The following ZNF83 variants were observed in gnomAD, a reference collection of about 807,000 sequenced individuals.
The protein encoded by ZNF83 is zinc finger protein 816B.
For synonymous variants in ZNF83, 209 were observed against 213.0 expected (o/e 0.98, Z 0.17); for missense variants, 552 against 629.9 (o/e 0.88, Z 1.32).
At chr19:52,668,118 C>T (rs8107738) in intron 1 of ZNF83, among the ~76,000 whole-genome samples, 122,417 of 152,172 alleles carry the variant, frequency 0.8, 49,968 homozygotes, top group African/African-American at 0.95. Flanking sequence ...ACAAGAGTCT[C>T]TCAGCACAGG....
chr19:52,661,109 C>A (rs891810294), intron 1 of ZNF83, among the ~76,000 whole-genome samples: 6 of 152,020 alleles, frequency 3.9e-5, no homozygotes, highest in Non-Finnish European at 5.9e-5. Flanking sequence ...GAGATCTGCC[C>A]ACCTCAGCCT....
intron 1 of ZNF83, among the ~76,000 whole-genome samples, chr19:52,683,589 G>T (rs113886131): frequency 0.013 from 1,933 of 151,366 alleles, 35 homozygotes; most frequent in African/African-American, 0.04. Context: ...GAGCATGGAA[G>T]ACCTGGGAGC....
At position 52,615,406 on chromosome 19, in the gene ZNF83, C is replaced by G. The variant is rs959653054; in HGVS notation, c.-233-609G>C. Among the ~76,000 whole-genome samples the G allele has an allele frequency of 2.0e-5, 3 of 152,248 alleles. No individual in the cohort carries two copies. The South Asian group carries it at 6.2e-4, about 32-fold the overall frequency. ...CTGTATAAGAAAAACCACTAGAGTA[C>G]TTGCTTCCTCTCACTCTGACATATG... is the stretch of plus-strand genomic sequence containing the variant. On this transcript the variant is annotated intron_variant, in intron 2 of 2. Transcript: ENST00000301096.
intron 3 of ZNF83, among the ~76,000 whole-genome samples, chr19:52,650,141 C>T (rs2061424053): frequency 6.6e-6 from 1 of 152,084 alleles, no homozygotes; most frequent in Non-Finnish European, 1.5e-5. Context: ...AAAAAAATCC[C>T]ACTTAAGGAA....
chr19:52,653,229 G>C (rs537101829), intron 3 of ZNF83: 3 of 1,534,502 alleles, frequency 2.0e-6, no homozygotes, highest in South Asian at 2.2e-5. Flanking sequence ...CATTACACTT[G>C]TAAGGTTTCT....
At chr19:52,640,169 A>G (rs1022485248), upstream of ZNF83, among the ~76,000 whole-genome samples, 10 of 152,208 alleles carry the variant, frequency 6.6e-5, no homozygotes, top group Non-Finnish European at 1.3e-4. Context: ...TCAGGCGCCT[A>G]CAATCCGACA....
intron 1 of ZNF83, among the ~76,000 whole-genome samples, chr19:52,673,629 C>A (rs908925528): frequency 6.6e-6 from 1 of 152,106 alleles, no homozygotes; most frequent in Non-Finnish European, 1.5e-5. Context: ...GAGCCAATAA[C>A]GATGCAAATA....
chr19:52,656,642 T>C (rs2061508850), intron 2 of ZNF83, among the ~76,000 whole-genome samples: 1 of 152,036 alleles, frequency 6.6e-6, no homozygotes. Flanking sequence ...CTGAGGCATG[T>C]GGATCACAAA....
At chr19:52,619,837 A>G (rs2060467907) in intron 2 of ZNF83, among the ~76,000 whole-genome samples, 2 of 152,130 alleles carry the variant, frequency 1.3e-5, no homozygotes. Context: ...CAGTAATCCA[A>G]GATCACACCA....
intron 1 of ZNF83, among the ~76,000 whole-genome samples, chr19:52,672,028 G>A (rs2061733517): frequency 6.6e-6 from 1 of 152,118 alleles, no homozygotes; most frequent in African/African-American, 2.4e-5. Context: ...GAGGTCAGGA[G>A]ATTGAGACTA....
At chr19:52,665,047 G>A (rs527526464) in intron 1 of ZNF83, among the ~76,000 whole-genome samples, 76 of 152,236 alleles carry the variant, frequency 5.0e-4, no homozygotes, top group Non-Finnish European at 9.0e-4. Context: ...ACTAGAATGC[G>A]AAATGCAAAG....
exon 3 of ZNF83, chr19:52,613,098 T>C (rs1417179421): frequency 2.5e-6 from 4 of 1,613,850 alleles, no homozygotes; most frequent in Middle Eastern, 1.6e-4. Context: ...GTTTGCCACA[T>C]TCATTACATT....
At chr19:52,653,663 C>T (rs2061471705) in intron 3 of ZNF83, among the ~76,000 whole-genome samples, 1 of 152,150 alleles carries the variant, frequency 6.6e-6, no homozygotes, top group African/African-American at 2.4e-5. Flanking sequence ...GGTTTTTCTC[C>T]AGTATGAAGT....
At chr19:52,631,918 C>T (rs1431215133) in intron 2 of ZNF83, among the ~76,000 whole-genome samples, 2 of 137,066 alleles carry the variant, frequency 1.5e-5, no homozygotes, top group Non-Finnish European at 3.1e-5. Context: ...TTCTACTACT[C>T]CTCAGGGATT....
At position 52,630,355 on chromosome 19, in the gene ZNF83, A is replaced by C. The variant is rs187584514; in HGVS notation, c.-234+4711T>G. Among the ~76,000 whole-genome samples the C allele has an allele frequency of 3.3e-5, 5 of 152,180 alleles. No individual in the cohort carries two copies. In the South Asian group the frequency reaches 6.2e-4, roughly 19 times the overall value. ...CCCCTTCTTAATCAATACGGAGGCT[A>C]CCCACTCCACATTACCTTCTTTTCA... On this transcript the variant is annotated intron_variant, in intron 2 of 2. Transcript: ENST00000301096.
intron 1 of ZNF83, among the ~76,000 whole-genome samples, chr19:52,685,745 A>C (rs886790599): frequency 3.3e-5 from 5 of 152,032 alleles, no homozygotes; most frequent in Non-Finnish European, 7.4e-5. Flanking sequence ...AAAAATACAA[A>C]AAATGAGCCA....
intron 2 of ZNF83, among the ~76,000 whole-genome samples, chr19:52,623,721 T>TATCCC (rs1426045231): frequency 6.6e-6 from 1 of 152,026 alleles, no homozygotes. Context: ...TCAACACCAG[T>TATCCC]ATCCCATCCC....
chr19:52,656,144 C>T (rs1032952502), intron 2 of ZNF83, among the ~76,000 whole-genome samples: 10 of 152,162 alleles, frequency 6.6e-5, no homozygotes, highest in Admixed American at 2.0e-4. Context: ...GCTCCAGAGG[C>T]AAAGGTTGCG....
upstream of ZNF83, among the ~76,000 whole-genome samples, chr19:52,641,044 C>T (rs2051902166): frequency 6.7e-6 from 1 of 149,384 alleles, no homozygotes. Flanking sequence ...CCCTTGCCGG[C>T]CCCCACCCTT....
Sources: gnomAD v4.1 joint callset for allele counts (sites outside exome capture counted in the v4.1 genomes callset) on GRCh38, gnomAD v4.1.1 for gene constraint, MANE v1.5 for transcripts, NCBI Gene and HGNC (gene_info 2026-07-23, HGNC 2026-07-21) for gene names.